The following KCNQ5 variants were observed in gnomAD, a reference collection of about 807,000 sequenced individuals.
The protein encoded by KCNQ5 is potassium voltage-gated channel subfamily Q member 5.
Under a neutral mutation model 98.2 loss-of-function variants are expected in KCNQ5, and 30 were observed. The observed-to-expected ratio is 0.31, with a 90% CI of 0.23 to 0.41. The LOEUF (loss-of-function observed/expected upper bound fraction) is 0.41, where lower values mean the gene tolerates loss of function less well. Among genes scored for constraint, KCNQ5 ranks in the 10% least tolerant of loss-of-function variants. The probability of loss-of-function intolerance (pLI) is 1.00; values close to 1 mark genes in which losing one functional copy is unlikely to be tolerated. For missense variants in KCNQ5, 835 were observed against 1,182.5 expected, an observed-to-expected ratio of 0.71 and a Z score of 4.31; for synonymous variants, 458 against 449.4, an observed-to-expected ratio of 1.02 and a Z score of -0.24.
At chr6:73,169,078 A>G (rs541414581) in intron 10 of KCNQ5, among the ~76,000 whole-genome samples, 1 of 152,376 alleles carries the variant, frequency 6.6e-6, no homozygotes, top group East Asian at 1.9e-4. Context: ...TATTTGCTTT[A>G]CAAATTCATA....
rs151285251 is a variant in KCNQ5 at position 72,632,941 on chromosome 6, A to G, written c.398+10354A>G. ...ATGATGATCTATTTCCTTTGGGTAT[A>G]TACCCAGTAATGGGATTGCTGGGTG... On this transcript the variant is annotated intron_variant, in intron 1 of 13. Coordinates refer to ENST00000370398, the MANE Select transcript of KCNQ5 (RefSeq NM_019842.4). Among the ~76,000 whole-genome samples the G allele has an allele frequency of 9.2e-3, 1,405 of 152,270 alleles. 12 individuals are homozygous for G. The highest frequency in any genetic ancestry group is 0.02 in the East Asian group (106 of 5,178).
intron 1 of KCNQ5, among the ~76,000 whole-genome samples, chr6:72,702,693 G>T (rs1768877038): frequency 6.6e-6 from 1 of 152,154 alleles, no homozygotes; most frequent in Non-Finnish European, 1.5e-5. Flanking sequence ...TTCAGATACA[G>T]ATATGGGTTC....
intron 1 of KCNQ5, among the ~76,000 whole-genome samples, chr6:72,883,765 G>A (rs182233287): frequency 1.7e-4 from 26 of 152,256 alleles, no homozygotes; most frequent in Non-Finnish European, 2.8e-4. Flanking sequence ...AATAAGAGGA[G>A]ACCAGGCGGC....
chr6:72,936,252 C>T (rs1327162966), intron 1 of KCNQ5, among the ~76,000 whole-genome samples: 1 of 152,150 alleles, frequency 6.6e-6, no homozygotes, highest in African/African-American at 2.4e-5. Context: ...ATTCTCTATC[C>T]CATTATTCAT....
chr6:72,780,477 T>C (rs1038411633), intron 1 of KCNQ5, among the ~76,000 whole-genome samples: 5 of 152,214 alleles, frequency 3.3e-5, no homozygotes, highest in Non-Finnish European at 7.3e-5. Context: ...GGCTGGCATC[T>C]GAGCACTGAC....
intron 1 of KCNQ5, among the ~76,000 whole-genome samples, chr6:72,665,623 C>A (rs1766774286): frequency 6.6e-6 from 1 of 152,188 alleles, no homozygotes; most frequent in African/African-American, 2.4e-5. Flanking sequence ...ACAGTCTCTG[C>A]CCAAAGCAAC....
At chr6:72,883,025 G>A (rs991937683) in intron 1 of KCNQ5, among the ~76,000 whole-genome samples, 12 of 152,114 alleles carry the variant, frequency 7.9e-5, no homozygotes, top group African/African-American at 2.7e-4. Context: ...GTGTTGGTCT[G>A]TAATTAATCA....
intron 3 of KCNQ5, among the ~76,000 whole-genome samples, chr6:73,071,041 T>G (rs1187035384): frequency 6.6e-6 from 1 of 152,162 alleles, no homozygotes; most frequent in Admixed American, 6.5e-5. Flanking sequence ...AAAAATGACA[T>G]GAAATCCAGG....
chr6:73,130,511 G>T (rs1245080618), intron 9 of KCNQ5, among the ~76,000 whole-genome samples: 10 of 152,070 alleles, frequency 6.6e-5, no homozygotes, highest in Admixed American at 1.3e-4. Context: ...AGACCTCCTT[G>T]TTGGTCTCTT....
At chr6:73,192,457 T>C in intron 12 of KCNQ5, 108 bp from the exon 13 acceptor site, 2 of 944,572 alleles carry the variant, frequency 2.1e-6, no homozygotes, top group East Asian at 5.7e-5. Flanking sequence ...TCATCTTACA[T>C]AAATTGAAGA....
chr6:72,762,580 A>G (rs893896599), intron 1 of KCNQ5, among the ~76,000 whole-genome samples: 1 of 152,052 alleles, frequency 6.6e-6, no homozygotes, highest in Non-Finnish European at 1.5e-5. Context: ...AAACATCAGG[A>G]CGAAAAGGTG....
chr6:73,132,514 C>G (rs896638393), intron 9 of KCNQ5, among the ~76,000 whole-genome samples: 1 of 152,194 alleles, frequency 6.6e-6, no homozygotes, highest in Non-Finnish European at 1.5e-5. Context: ...CCCTAGCCCC[C>G]GTGTGTCTGA....
intron 1 of KCNQ5, chr6:72,678,295 C>G (rs975771506): frequency 9.9e-5 from 15 of 152,146 alleles, no homozygotes; most frequent in Admixed American, 9.8e-4. Flanking sequence ...ATATTAAACA[C>G]TTTAAGTGCA....
At chr6:72,933,022 C>T (rs185184102) in intron 1 of KCNQ5, among the ~76,000 whole-genome samples, 15 of 152,190 alleles carry the variant, frequency 9.9e-5, no homozygotes, top group Admixed American at 9.8e-4. Flanking sequence ...AATTATGTTG[C>T]TTTAAAACAG....
At chr6:72,753,380 G>C (rs1272651329) in intron 1 of KCNQ5, among the ~76,000 whole-genome samples, 1 of 152,016 alleles carries the variant, frequency 6.6e-6, no homozygotes, top group Non-Finnish European at 1.5e-5. Context: ...TATTTGGTTT[G>C]GTGATTATGA....
chr6:72,794,367 A>G (rs1257764610), intron 1 of KCNQ5, among the ~76,000 whole-genome samples: 1 of 152,170 alleles, frequency 6.6e-6, no homozygotes, highest in Admixed American at 6.5e-5. Context: ...AAAATCCTAA[A>G]ACTGAGAGAT....
intron 1 of KCNQ5, among the ~76,000 whole-genome samples, chr6:72,899,160 T>C (rs1384434333): frequency 2.0e-5 from 3 of 152,202 alleles, no homozygotes; most frequent in Non-Finnish European, 4.4e-5. Context: ...TTTTGCTCTG[T>C]AGAAGACTGA....
intron 3 of KCNQ5, among the ~76,000 whole-genome samples, chr6:73,070,050 C>T (rs904510611): frequency 5.3e-5 from 8 of 152,006 alleles, no homozygotes; most frequent in Non-Finnish European, 1.0e-4. Flanking sequence ...AAAAGTAAAC[C>T]ACTCAGTAGA....
chr6:72,627,930 G>A (rs1367533261), intron 1 of KCNQ5, among the ~76,000 whole-genome samples: 1 of 152,122 alleles, frequency 6.6e-6, no homozygotes, highest in Non-Finnish European at 1.5e-5. Flanking sequence ...CCTCTGCCAG[G>A]ATGAGTTAGG....
Sources: allele counts gnomAD v4.1 joint callset (sites outside exome capture counted in the v4.1 genomes callset), GRCh38; gene constraint gnomAD v4.1.1; transcripts MANE v1.5; gene names NCBI Gene and HGNC (gene_info 2026-07-23, HGNC 2026-07-21).